The following ZC3H12B variants were observed in gnomAD, a reference collection of about 807,000 sequenced individuals.
ZC3H12B encodes the protein zinc finger CCCH-type containing 12B, also known as probable ribonuclease ZC3H12B.
In ZC3H12B, 7 loss-of-function variants were observed where a neutral mutation model predicts 43.9. The observed-to-expected ratio is 0.16, with a 90% CI of 0.09 to 0.30. The LOEUF is 0.30. Among genes scored for constraint, ZC3H12B ranks in the 10% least tolerant of loss-of-function variants. The pLI is 1.00. For missense variants in ZC3H12B, 475 were observed against 670.2 expected (o/e 0.71, Z 3.22); for synonymous variants, 222 against 241.7 (o/e 0.92, Z 0.76).
At chrX:65,290,245 A>G in the ZC3H12B span, among the ~76,000 whole-genome samples, 1 of 111,001 alleles carries the variant, frequency 9.0e-6, no homozygotes, top group Non-Finnish European at 1.9e-5. Flanking sequence ...GAACATCACT[A>G]ATCACCAGAA....
At chrX:65,235,016 A>T in the ZC3H12B span, among the ~76,000 whole-genome samples, 1 of 111,846 alleles carries the variant, frequency 8.9e-6, no homozygotes, top group Non-Finnish European at 1.9e-5. Flanking sequence ...TGCAAAGGAC[A>T]TGGCCTTGTT....
At chrX:65,268,781 A>G in the ZC3H12B span, among the ~76,000 whole-genome samples, 1 of 112,058 alleles carries the variant, frequency 8.9e-6, no homozygotes, top group African/African-American at 3.2e-5. Context: ...TGAAAAACCT[A>G]CTATAATCAA....
the ZC3H12B span, among the ~76,000 whole-genome samples, chrX:65,100,885 C>A: frequency 2.7e-5 from 3 of 111,461 alleles, no homozygotes; most frequent in Non-Finnish European, 5.6e-5. Flanking sequence ...CAGCTCTGGA[C>A]TAAGCAGACC....
At chrX:65,184,796 G>A in the ZC3H12B span, among the ~76,000 whole-genome samples, 1 of 111,326 alleles carries the variant, frequency 9.0e-6, no homozygotes, top group Non-Finnish European at 1.9e-5. Context: ...GAAAGTCTAA[G>A]GAGTATAATC....
chrX:65,352,833 G>A, the ZC3H12B span, among the ~76,000 whole-genome samples: 1 of 111,490 alleles, frequency 9.0e-6, no homozygotes, highest in Non-Finnish European at 1.9e-5. Flanking sequence ...GGTGATCTGC[G>A]ATAAGAGATC....
chrX:65,212,567 A>G, the ZC3H12B span, among the ~76,000 whole-genome samples: 2 of 79,196 alleles, frequency 2.5e-5, no homozygotes, highest in African/African-American at 5.0e-5. Flanking sequence ...TATATGTTAT[A>G]TATAATTATA....
chrX:65,213,121 A>AT, the ZC3H12B span, among the ~76,000 whole-genome samples: 23 of 107,704 alleles, frequency 2.1e-4, no homozygotes, highest in African/African-American at 7.8e-4. Context: ...TAAATTGTTT[A>AT]TTTTTTCTGT....
At chrX:65,048,438 G>A in the ZC3H12B span, among the ~76,000 whole-genome samples, 1 of 110,929 alleles carries the variant, frequency 9.0e-6, no homozygotes, top group Non-Finnish European at 1.9e-5. Flanking sequence ...TTAGCAGTGG[G>A]GTTACAAGAT....
the ZC3H12B span, among the ~76,000 whole-genome samples, chrX:65,078,765 T>C: frequency 9.0e-6 from 1 of 111,468 alleles, no homozygotes; most frequent in Non-Finnish European, 1.9e-5. Context: ...TAGGTGTATA[T>C]AGTAATGGGG....
At chrX:65,325,905 A>G in the ZC3H12B span, among the ~76,000 whole-genome samples, 1 of 111,776 alleles carries the variant, frequency 8.9e-6, no homozygotes, top group Non-Finnish European at 1.9e-5. Context: ...ACACACACAT[A>G]TATGGTCTAT....
chrX:65,147,177 T>C, the ZC3H12B span, among the ~76,000 whole-genome samples: 1 of 112,402 alleles, frequency 8.9e-6, no homozygotes, highest in Non-Finnish European at 1.9e-5. Flanking sequence ...AAGTGGCGTC[T>C]TATTCCAGTT....
chrX:65,408,319 T>A lies in ZC3H12B; in HGVS notation n.407+9615T>A, dbSNP rs184858619. The A allele has an allele frequency of 5.0e-6, 6 of 1,197,928 alleles. No individual in the cohort carries two copies. The African/African-American group carries it at 7.0e-5, about 14-fold the overall frequency. On this transcript the variant is annotated intron_variant and non_coding_transcript_variant, in intron 3 of 5. Transcript: ENST00000617377. Reference sequence around the variant, plus strand: ...TAAACATTGAAATGCACAAACAGACTGAAATCGCCAAGAGATTGAATACGA... The same window carrying A: ...TAAACATTGAAATGCACAAACAGACAGAAATCGCCAAGAGATTGAATACGA...
chrX:65,282,780 T>C, the ZC3H12B span, among the ~76,000 whole-genome samples: 1 of 111,312 alleles, frequency 9.0e-6, no homozygotes, highest in African/African-American at 3.3e-5. Flanking sequence ...CAGGAAGAAG[T>C]TGATTTGCAG....
At chrX:65,469,281 T>C (rs754013439) in intron 3 of ZC3H12B, 111 of 268,624 alleles carry the variant, frequency 4.1e-4, no homozygotes, top group Middle Eastern at 4.9e-4. Flanking sequence ...TGTGTCCTGG[T>C]GCTCCGAGCG....
chrX:65,337,716 C>T, the ZC3H12B span, among the ~76,000 whole-genome samples: 3 of 112,378 alleles, frequency 2.7e-5, no homozygotes, highest in Non-Finnish European at 5.6e-5. Flanking sequence ...AAAAGTGATT[C>T]TAAAGTTGGA....
the ZC3H12B span, among the ~76,000 whole-genome samples, chrX:65,224,386 G>A: frequency 8.0e-5 from 9 of 112,396 alleles, no homozygotes; most frequent in African/African-American, 2.9e-4. Flanking sequence ...TGAAATCGGG[G>A]GAGGGAGCCA....
chrX:65,052,997 T>C, the ZC3H12B span, among the ~76,000 whole-genome samples: 1 of 111,926 alleles, frequency 8.9e-6, no homozygotes, highest in South Asian at 3.8e-4. Context: ...TAATATTTCC[T>C]TATAGATTTG....
intron 1 of ZC3H12B, among the ~76,000 whole-genome samples, chrX:65,494,846 A>G (rs1258568964): frequency 9.0e-6 from 1 of 111,400 alleles, no homozygotes; most frequent in Admixed American, 9.6e-5. Context: ...AAGTTGCAGT[A>G]TCTAACAGCA....
chrX:65,141,654 C>T, the ZC3H12B span, among the ~76,000 whole-genome samples: 12 of 110,432 alleles, frequency 1.1e-4, no homozygotes, highest in East Asian at 3.4e-3. Flanking sequence ...TATTTGTAGC[C>T]TTTTTCCCCC....
Sources: allele counts gnomAD v4.1 joint callset (sites outside exome capture counted in the v4.1 genomes callset), GRCh38; gene constraint gnomAD v4.1.1; transcripts MANE v1.5; gene names NCBI Gene and HGNC (gene_info 2026-07-23, HGNC 2026-07-21).